TAFA4: variants seen among roughly 807,000 people sequenced by gnomAD.
TAFA4 encodes the protein TAFA chemokine like family member 4.
A neutral mutation model predicts 21.1 loss-of-function variants in TAFA4; 20 were observed. The observed-to-expected ratio is 0.95, with a 90% CI of 0.67 to 1.38. The LOEUF (loss-of-function observed/expected upper bound fraction) is 1.38, where lower values mean the gene tolerates loss of function less well. Among genes scored for constraint, TAFA4 ranks in the 40% most tolerant of loss-of-function variants. The probability of loss-of-function intolerance (pLI) is 0.00; values close to 1 mark genes in which losing one functional copy is unlikely to be tolerated. For missense variants in TAFA4, 211 were observed against 180.9 expected (o/e 1.17, Z -0.95); for synonymous variants, 71 against 67.4 (o/e 1.05, Z -0.26).
At chr3:68,752,766 T>G in intron 4 of TAFA4, 97 bp downstream of exon 4, 3 of 1,474,516 alleles carry the variant, frequency 2.0e-6, no homozygotes, top group Non-Finnish European at 2.8e-6. Context: ...AAAGCAACCC[T>G]AGGTTTCTTT....
At chr3:68,812,479 G>T (rs974917420) in intron 3 of TAFA4, among the ~76,000 whole-genome samples, 3 of 152,062 alleles carry the variant, frequency 2.0e-5, no homozygotes, top group Non-Finnish European at 4.4e-5. Flanking sequence ...GATGGAGGAA[G>T]ATCTACCAAG....
At chr3:68,883,756 TTTTA>T (rs993673391) in intron 2 of TAFA4, among the ~76,000 whole-genome samples, 1 of 152,138 alleles carries the variant, frequency 6.6e-6, no homozygotes, top group Non-Finnish European at 1.5e-5. Context: ...TGGGACTTTT[TTTTA>T]TTGTTTATAC....
At chr3:68,840,830 T>C (rs528632161) in intron 3 of TAFA4, among the ~76,000 whole-genome samples, 36 of 152,324 alleles carry the variant, frequency 2.4e-4, no homozygotes, top group African/African-American at 7.7e-4. Flanking sequence ...CTGGGCTTAC[T>C]GCGCTTGCCC....
intron 3 of TAFA4, among the ~76,000 whole-genome samples, chr3:68,811,920 G>A (rs375060560): frequency 6.6e-6 from 1 of 152,136 alleles, no homozygotes; most frequent in African/African-American, 2.4e-5. Flanking sequence ...AGGGCAGCCA[G>A]AGAGAAAGGT....
intron 3 of TAFA4, among the ~76,000 whole-genome samples, chr3:68,782,505 T>G (rs906959264): frequency 8.5e-5 from 13 of 152,060 alleles, no homozygotes; most frequent in African/African-American, 3.1e-4. Flanking sequence ...TATCAATGGA[T>G]GAATGAATAA....
At chr3:68,808,953 C>A (rs1351588372) in intron 3 of TAFA4, among the ~76,000 whole-genome samples, 1 of 152,122 alleles carries the variant, frequency 6.6e-6, no homozygotes, top group Non-Finnish European at 1.5e-5. Context: ...ACATAGAAAC[C>A]CCCACTAACT....
intron 4 of TAFA4, among the ~76,000 whole-genome samples, chr3:68,748,371 A>G (rs1575593848): frequency 6.6e-6 from 1 of 152,236 alleles, no homozygotes; most frequent in Non-Finnish European, 1.5e-5. Context: ...CCTATGTCTC[A>G]TCACACAGCC....
Position 68,733,165 on chromosome 3 carries a change from C to T in TAFA4, c.412-12G>A. 1 of 1,612,852 alleles carries T rather than the reference C, an allele frequency of 6.2e-7. No homozygotes were observed. The highest frequency in any genetic ancestry group is 1.1e-5 in the South Asian group (1 of 90,950). On this transcript the variant is annotated splice_polypyrimidine_tract_variant and intron_variant, in intron 5 of 5. Transcript: ENST00000295569. ...CGCTACCGCGTTACCTAAAACAAAT[C>T]AAAATAAGGGAACATTCAACACTCT... is the stretch of plus-strand genomic sequence containing the variant.
At chr3:68,905,627 T>A (rs996605961) in intron 1 of TAFA4, among the ~76,000 whole-genome samples, 1 of 152,070 alleles carries the variant, frequency 6.6e-6, no homozygotes, top group Non-Finnish European at 1.5e-5. Context: ...GGAGCCTAAA[T>A]GACAAGGAGG....
chr3:68,821,904 C>T (rs1704120312), intron 3 of TAFA4, among the ~76,000 whole-genome samples: 1 of 152,106 alleles, frequency 6.6e-6, no homozygotes, highest in Admixed American at 6.5e-5. Context: ...CTGCCAAATC[C>T]ATCACTTAAA....
At chr3:68,814,363 G>A (rs866522111) in intron 3 of TAFA4, among the ~76,000 whole-genome samples, 1 of 152,126 alleles carries the variant, frequency 6.6e-6, no homozygotes, top group Non-Finnish European at 1.5e-5. Context: ...ATTAGGAAAA[G>A]AGGAAGTCAA....
intron 3 of TAFA4, among the ~76,000 whole-genome samples, chr3:68,844,092 G>T (rs183813482): frequency 1.6e-3 from 238 of 152,246 alleles, no homozygotes; most frequent in Non-Finnish European, 2.6e-3. Flanking sequence ...AGAAGGAATG[G>T]TATCAGCTCC....
chr3:68,767,248 G>T (rs933252035), intron 3 of TAFA4, among the ~76,000 whole-genome samples: 1 of 152,196 alleles, frequency 6.6e-6, no homozygotes, highest in Non-Finnish European at 1.5e-5. Context: ...TAAAAGGGTA[G>T]AGTTAGAGAG....
At chr3:68,905,021 T>C (rs780400561) in intron 1 of TAFA4, among the ~76,000 whole-genome samples, 5 of 152,096 alleles carry the variant, frequency 3.3e-5, no homozygotes, top group East Asian at 1.9e-4. Flanking sequence ...TTTTCCTCTA[T>C]AGCAGCTCCC....
intron 3 of TAFA4, among the ~76,000 whole-genome samples, chr3:68,839,796 G>GC (rs1283489598): frequency 2.0e-5 from 3 of 152,160 alleles, no homozygotes; most frequent in Non-Finnish European, 4.4e-5. Context: ...AAAGGGGAAA[G>GC]CGTAACAAGA....
At chr3:68,832,175 T>C (rs1704413410) in intron 3 of TAFA4, among the ~76,000 whole-genome samples, 1 of 152,210 alleles carries the variant, frequency 6.6e-6, no homozygotes, top group African/African-American at 2.4e-5. Context: ...TGAAGCCTAC[T>C]TCTGTCAACT....
rs960375712 is a variant in TAFA4, at chr3:68,739,147, T to G, written c.339A>C (p.Gly113=). 1.2e-6 allele frequency: 2 copies of G among 1,613,978 alleles called. No homozygotes were observed. The highest frequency in any genetic ancestry group is 1.7e-6 in the Non-Finnish European group (2 of 1,179,894). ...AATCTGGCAGCACTTTACAATCCTCTCCTTCCAAACACGGATTCATGTGAC... is the reference window on the plus strand; with the variant it reads ...AATCTGGCAGCACTTTACAATCCTCGCCTTCCAAACACGGATTCATGTGAC... ...WWCHMNPCLE[G]EDCKVLPDYS... is the part of the protein sequence containing the mutation. Residue 113 remains glycine, a synonymous_variant, in exon 5 of 6, where the codon GGA becomes GGC. Coordinates refer to ENST00000295569, the MANE Select transcript of TAFA4 (RefSeq NM_182522.5).
At chr3:68,748,122 T>C (rs1352853606) in intron 4 of TAFA4, among the ~76,000 whole-genome samples, 3 of 152,238 alleles carry the variant, frequency 2.0e-5, no homozygotes, top group Admixed American at 2.0e-4. Flanking sequence ...AAACTCTGAG[T>C]TCCTTGAAAC....
intron 5 of TAFA4, among the ~76,000 whole-genome samples, chr3:68,735,726 TAGACA>T (rs1702230303): frequency 6.6e-6 from 1 of 152,086 alleles, no homozygotes; most frequent in Non-Finnish European, 1.5e-5. Flanking sequence ...TGGAAATATT[TAGACA>T]ATAGAAACTT....
Sources: gnomAD v4.1 joint callset for allele counts (sites outside exome capture counted in the v4.1 genomes callset) on GRCh38, gnomAD v4.1.1 for gene constraint, MANE v1.5 for transcripts, NCBI Gene and HGNC (gene_info 2026-07-23, HGNC 2026-07-21) for gene names.